The following AKT3 variants were observed in gnomAD, a reference collection of about 807,000 sequenced individuals.
AKT3 encodes the protein RAC-gamma serine/threonine-protein kinase.
Under a neutral mutation model 65.3 loss-of-function variants are expected in AKT3, and 15 were observed. That is an observed-to-expected ratio of 0.23 (90% CI 0.15 to 0.35). The LOEUF (loss-of-function observed/expected upper bound fraction) is 0.35, where lower values mean the gene tolerates loss of function less well. AKT3 is among the 10% of genes least tolerant of loss of function. The pLI, the probability that AKT3 is intolerant of heterozygous loss-of-function variation, is 1.00. For synonymous variants in AKT3, 206 were observed against 183.8 expected (o/e 1.12, Z -0.98); for missense variants, 243 against 576.5 (o/e 0.42, Z 5.92).
intron 3 of AKT3, among the ~76,000 whole-genome samples, chr1:243,673,259 A>C (rs1342068743): frequency 2.6e-5 from 4 of 152,222 alleles, no homozygotes; most frequent in Admixed American, 2.6e-4. Context: ...AATACAGAAA[A>C]ATACATACAT....
downstream of AKT3, among the ~76,000 whole-genome samples, chr1:243,496,727 G>A (rs1668006367): frequency 6.6e-6 from 1 of 152,248 alleles, no homozygotes. Flanking sequence ...GGACCCCACA[G>A]TGTGGTTGCC....
At chr1:243,526,909 A>G (rs1196857970) in intron 12 of AKT3, among the ~76,000 whole-genome samples, 1 of 151,834 alleles carries the variant, frequency 6.6e-6, no homozygotes, top group Non-Finnish European at 1.5e-5. Context: ...GACAGCGGTG[A>G]TGGTTGCATA....
At chr1:243,733,084 C>T (rs1455576689) in intron 2 of AKT3, among the ~76,000 whole-genome samples, 1 of 152,198 alleles carries the variant, frequency 6.6e-6, no homozygotes, top group African/African-American at 2.4e-5. Context: ...TTTACCTGTT[C>T]AGTACTGTGC....
chr1:243,848,319 T>C (rs546762421), intron 1 of AKT3, among the ~76,000 whole-genome samples: 3 of 152,362 alleles, frequency 2.0e-5, no homozygotes, highest in Admixed American at 1.3e-4. Context: ...TCCGGATATA[T>C]ATCTTGCATA....
chr1:243,602,128 A>T (rs972035180), intron 8 of AKT3, among the ~76,000 whole-genome samples: 5 of 152,224 alleles, frequency 3.3e-5, no homozygotes, highest in Non-Finnish European at 7.3e-5. Flanking sequence ...GGCTTGTAAT[A>T]ACATCTCCTA....
Position 243,505,543 on chromosome 1 carries a change from T to G in AKT3, c.1355-209A>C, listed in dbSNP as rs185033950. Reference sequence around the variant, plus strand: ...CATAGTCTATGAAGAAATAATACTATAGAATCATCTCTAAGACATCAAAAT... The same window carrying G: ...CATAGTCTATGAAGAAATAATACTAGAGAATCATCTCTAAGACATCAAAAT... On this transcript the variant is annotated intron_variant, in intron 13 of 13. Coordinates refer to ENST00000673466, the MANE Select transcript of AKT3 (RefSeq NM_005465.7). Among the ~76,000 whole-genome samples the G allele has an allele frequency of 1.6e-3, 237 of 152,310 alleles. 2 individuals are homozygous for G. The highest frequency in any genetic ancestry group is 6.7e-3 in the Admixed American group (102 of 15,304).
At chr1:243,615,778 A>G (rs1057398894) in intron 6 of AKT3, among the ~76,000 whole-genome samples, 2 of 151,950 alleles carry the variant, frequency 1.3e-5, no homozygotes, top group African/African-American at 4.8e-5. Context: ...GTTGCCCAGG[A>G]TAGAGTACAG....
intron 2 of AKT3, among the ~76,000 whole-genome samples, chr1:243,839,606 C>T (rs1430554534): frequency 6.6e-6 from 1 of 151,992 alleles, no homozygotes; most frequent in Admixed American, 6.6e-5. Flanking sequence ...TCACTAATAA[C>T]CAAGGTTAGG....
At chr1:243,638,655 ACT>A (rs1680150989) in intron 5 of AKT3, among the ~76,000 whole-genome samples, 3 of 151,994 alleles carry the variant, frequency 2.0e-5, no homozygotes, top group African/African-American at 7.2e-5. Context: ...ATAAATTTAA[ACT>A]CAGTTTAGAG....
At chr1:243,727,089 A>G (rs1687255770) in intron 2 of AKT3, among the ~76,000 whole-genome samples, 1 of 152,182 alleles carries the variant, frequency 6.6e-6, no homozygotes, top group African/African-American at 2.4e-5. Context: ...CACAAGCATA[A>G]ATGTGAAACA....
chr1:243,822,028 G>T (rs1474378244), intron 2 of AKT3, among the ~76,000 whole-genome samples: 2 of 152,178 alleles, frequency 1.3e-5, no homozygotes, highest in African/African-American at 4.8e-5. Context: ...CACGTAATTG[G>T]AAGTAAAACA....
At chr1:243,512,781 C>T (rs1030362200) in intron 12 of AKT3, among the ~76,000 whole-genome samples, 3 of 152,164 alleles carry the variant, frequency 2.0e-5, no homozygotes, top group African/African-American at 4.8e-5. Flanking sequence ...GGCTCTTCCT[C>T]GGGCAACCTC....
chr1:243,633,084 A>G (rs573964078), intron 6 of AKT3, among the ~76,000 whole-genome samples: 1 of 152,348 alleles, frequency 6.6e-6, no homozygotes, highest in South Asian at 2.1e-4. Context: ...ATTGAAGGCC[A>G]GAAGGCAATT....
chr1:243,639,791 T>C (rs933921688), intron 5 of AKT3, among the ~76,000 whole-genome samples: 4 of 152,206 alleles, frequency 2.6e-5, no homozygotes, highest in African/African-American at 9.6e-5. Flanking sequence ...GCTCTGCCTA[T>C]GGAGTAGCCA....
At chr1:243,810,145 G>A (rs1300346961) in intron 2 of AKT3, among the ~76,000 whole-genome samples, 1 of 152,138 alleles carries the variant, frequency 6.6e-6, no homozygotes, top group Non-Finnish European at 1.5e-5. Flanking sequence ...ACATTCAAAA[G>A]CTAGCAGAAG....
downstream of AKT3, among the ~76,000 whole-genome samples, chr1:243,497,354 A>C (rs1232630286): frequency 2.2e-5 from 3 of 137,774 alleles, no homozygotes; most frequent in Non-Finnish European, 4.7e-5. Flanking sequence ...GGGGGCGTTG[A>C]GCAGTGAACG....
chr1:243,795,557 C>T (rs1691940793), intron 2 of AKT3, among the ~76,000 whole-genome samples: 1 of 143,460 alleles, frequency 7.0e-6, no homozygotes, highest in Admixed American at 7.1e-5. Flanking sequence ...CTGCAAGCTC[C>T]GCCTCCCGGG....
At chr1:243,575,946 T>C (rs553647799) in intron 8 of AKT3, among the ~76,000 whole-genome samples, 1 of 152,118 alleles carries the variant, frequency 6.6e-6, no homozygotes, top group East Asian at 1.9e-4. Context: ...AGAGAAATAA[T>C]AGGACTTCTG....
intron 1 of AKT3, among the ~76,000 whole-genome samples, chr1:243,849,788 C>G (rs947928586): frequency 1.3e-5 from 2 of 151,850 alleles, no homozygotes; most frequent in African/African-American, 4.8e-5. Flanking sequence ...CCCAGCTTTC[C>G]CCGGAAAGCG....
Sources: allele counts gnomAD v4.1 joint callset (sites outside exome capture counted in the v4.1 genomes callset), GRCh38; gene constraint gnomAD v4.1.1; transcripts MANE v1.5; gene names NCBI Gene and HGNC (gene_info 2026-07-23, HGNC 2026-07-21).